GNAQ: variants seen among roughly 807,000 people sequenced by gnomAD.
GNAQ encodes the protein guanine nucleotide-binding protein G(q) subunit alpha.
Under a neutral mutation model 43.9 loss-of-function variants are expected in GNAQ, and 8 were observed. The observed-to-expected ratio is 0.18, with a 90% CI of 0.11 to 0.33. The LOEUF is 0.33. Ranked by LOEUF, GNAQ falls within the 10% of genes least tolerant of loss-of-function variation. The pLI is 1.00. For synonymous variants in GNAQ, 155 were observed against 170.7 expected (o/e 0.91, Z 0.71); for missense variants, 158 against 450.8 (o/e 0.35, Z 5.88).
intron 2 of GNAQ, among the ~76,000 whole-genome samples, chr9:77,860,432 T>A (rs1479840509): frequency 1.3e-5 from 2 of 152,172 alleles, no homozygotes; most frequent in African/African-American, 4.8e-5. Flanking sequence ...TCTGTTGCTA[T>A]AAAGACTGTG....
At chr9:77,947,863 A>T (rs1035687301) in intron 1 of GNAQ, among the ~76,000 whole-genome samples, 1 of 152,306 alleles carries the variant, frequency 6.6e-6, no homozygotes, top group African/African-American at 2.4e-5. Context: ...TCAGAGCCAT[A>T]AGGCCTCTGT....
rs1274741988 is a variant in GNAQ, at chr9:77,933,658, C to T, written c.137-11313G>A. On this transcript the variant is annotated intron_variant, in intron 1 of 6. Transcript: ENST00000286548. Reference sequence around the variant, plus strand: ...CCTGTCTCAAAAAAAAAAAGTGGCACCATTGATACATGCACACTTCTTTTA... The same window carrying T: ...CCTGTCTCAAAAAAAAAAAGTGGCATCATTGATACATGCACACTTCTTTTA... 2.7e-5 allele frequency among the ~76,000 whole-genome samples: 4 copies of T among 150,632 alleles called. No individual in the cohort carries two copies. The East Asian group carries it at 7.7e-4, about 29-fold the overall frequency.
intron 1 of GNAQ, among the ~76,000 whole-genome samples, chr9:77,995,308 C>A (rs1823555400): frequency 6.6e-6 from 1 of 152,156 alleles, no homozygotes; most frequent in African/African-American, 2.4e-5. Flanking sequence ...ACACTCTTAA[C>A]CACTGTCTTA....
At chr9:77,817,836 G>C (rs1365342082) in intron 2 of GNAQ, among the ~76,000 whole-genome samples, 2 of 152,116 alleles carry the variant, frequency 1.3e-5, no homozygotes, top group Non-Finnish European at 2.9e-5. Flanking sequence ...GGACCAAGGA[G>C]GTCAAACGAG....
At chr9:77,763,426 G>C (rs1456776719) in intron 5 of GNAQ, among the ~76,000 whole-genome samples, 1 of 152,136 alleles carries the variant, frequency 6.6e-6, no homozygotes, top group African/African-American at 2.4e-5. Context: ...AGGAATTCAA[G>C]ACCAGCTGGG....
intron 1 of GNAQ, among the ~76,000 whole-genome samples, chr9:77,975,571 C>T (rs974328178): frequency 5.1e-5 from 7 of 137,136 alleles, no homozygotes; most frequent in African/African-American, 1.4e-4. Context: ...GACAAGGTCT[C>T]GCTCTCTCAG....
At chr9:77,832,686 G>A (rs889155497) in intron 2 of GNAQ, among the ~76,000 whole-genome samples, 1 of 152,134 alleles carries the variant, frequency 6.6e-6, no homozygotes, top group Non-Finnish European at 1.5e-5. Flanking sequence ...GGATCTATGC[G>A]AATCCTTCTG....
chr9:77,957,140 G>A (rs1011669120), intron 1 of GNAQ, among the ~76,000 whole-genome samples: 9 of 152,158 alleles, frequency 5.9e-5, no homozygotes, highest in East Asian at 3.9e-4. Context: ...AGGCGGTCAC[G>A]AGGTCAGAAA....
intron 3 of GNAQ, among the ~76,000 whole-genome samples, chr9:77,811,321 T>A (rs1352875043): frequency 9.6e-6 from 1 of 103,948 alleles, no homozygotes; most frequent in Non-Finnish European, 2.6e-5. Flanking sequence ...TATGAAGATA[T>A]CTTTATAAAG....
chr9:77,921,073 T>C (rs1828989377), intron 2 of GNAQ, among the ~76,000 whole-genome samples: 1 of 152,202 alleles, frequency 6.6e-6, no homozygotes, highest in Admixed American at 6.5e-5. Context: ...GAATGAAAAT[T>C]TCTTATTGAA....
chr9:77,822,497 G>A (rs1827132757), intron 2 of GNAQ, among the ~76,000 whole-genome samples: 2 of 152,014 alleles, frequency 1.3e-5, no homozygotes, highest in South Asian at 4.2e-4. Context: ...ATTAACCAGA[G>A]GAGTATGTTG....
At chr9:77,797,714 G>A (rs2118457463) in intron 3 of GNAQ, 66 bp from the exon 4 acceptor site, 12 of 1,484,096 alleles carry the variant, frequency 8.1e-6, no homozygotes, top group South Asian at 2.4e-5. Context: ...CTACGGAAAG[G>A]GAAGGACAAA....
At chr9:77,940,082 C>T (rs1564157983) in intron 1 of GNAQ, among the ~76,000 whole-genome samples, 1 of 152,048 alleles carries the variant, frequency 6.6e-6, no homozygotes, top group Non-Finnish European at 1.5e-5. Context: ...CTGGGACATA[C>T]ATATGATCCT....
intron 2 of GNAQ, among the ~76,000 whole-genome samples, chr9:77,895,234 A>C (rs1828480949): frequency 6.6e-6 from 1 of 150,720 alleles, no homozygotes; most frequent in African/African-American, 2.4e-5. Context: ...GCAAACATCG[A>C]CTCTGTGCAA....
intron 1 of GNAQ, among the ~76,000 whole-genome samples, chr9:78,000,822 G>A (rs1290977776): frequency 6.6e-6 from 1 of 151,922 alleles, no homozygotes; most frequent in African/African-American, 2.4e-5. Context: ...CTCTTAAATG[G>A]CACATCCAAA....
chr9:77,973,236 G>A (rs1195766738), intron 1 of GNAQ, among the ~76,000 whole-genome samples: 3 of 152,048 alleles, frequency 2.0e-5, no homozygotes, highest in African/African-American at 4.8e-5. Flanking sequence ...CAGAACTCAC[G>A]ACATCAGCCC....
At chr9:77,759,894 T>C (rs995275703) in intron 5 of GNAQ, among the ~76,000 whole-genome samples, 12 of 147,118 alleles carry the variant, frequency 8.2e-5, no homozygotes, top group Admixed American at 1.4e-4. Flanking sequence ...CTCTCTCTTT[T>C]TTTCTTTCTT....
rs1455627080 is a variant in GNAQ at position 77,716,741 on chromosome 9, T to C, written c.*4582A>G. The C allele has an allele frequency of 4.3e-6, 1 of 232,880 alleles. No homozygotes were observed. The highest frequency in any genetic ancestry group is 6.1e-5 in the East Asian group (1 of 16,514). The allele number at this position is 232,880 out of a possible 1,614,324, so 14.4% of individuals were successfully genotyped here. Reference sequence around the variant, plus strand: ...ATCTGATTTTACCCAATAGATGTTTTCATAACATGTAAATGTCATTTGCTA... The same window carrying C: ...ATCTGATTTTACCCAATAGATGTTTCCATAACATGTAAATGTCATTTGCTA... On this transcript the variant is annotated 3_prime_UTR_variant, in exon 7 of 7. Transcript: ENST00000286548.
At chr9:77,751,791 AAAACAAAC>A (rs369887847) in intron 5 of GNAQ, among the ~76,000 whole-genome samples, 18 of 152,122 alleles carry the variant, frequency 1.2e-4, no homozygotes, top group South Asian at 2.1e-4. Context: ...AGACCTCCAA[AAAACAAAC>A]AAACAAACAA....
Sources: gnomAD v4.1 joint callset for allele counts (sites outside exome capture counted in the v4.1 genomes callset) on GRCh38, gnomAD v4.1.1 for gene constraint, MANE v1.5 for transcripts, NCBI Gene and HGNC (gene_info 2026-07-23, HGNC 2026-07-21) for gene names.